Variants in SMARCC1 observed in about 807,000 individuals in gnomAD.
SMARCC1 encodes the protein SWI/SNF related BAF chromatin remodeling complex subunit C1.
Under a neutral mutation model 147.4 loss-of-function variants are expected in SMARCC1, and 43 were observed. The ratio of observed to expected loss-of-function variants is 0.29; its 90% CI spans 0.23 to 0.38. The LOEUF is 0.38. Among genes scored for constraint, SMARCC1 ranks in the 10% least tolerant of loss-of-function variants. The pLI, the probability that SMARCC1 is intolerant of heterozygous loss-of-function variation, is 1.00. For missense variants in SMARCC1, 1,119 were observed against 1,381.1 expected (o/e 0.81, Z 3.01); for synonymous variants, 495 against 484.4 (o/e 1.02, Z -0.29).
rs913984247 is a variant in SMARCC1, at chr3:47,737,304, G to T, written c.483+725C>A. The stretch of plus-strand genomic sequence containing the variant: ...AGCTACAGGGAAAGCTGAGGTGGGA[G>T]AATCACTTGAGCCCGAGAGTTCAAA... On this transcript the variant is annotated intron_variant, in intron 4 of 27. Transcript: ENST00000254480. Among the ~76,000 whole-genome samples, 9 of 152,242 alleles carry T rather than the reference G, an allele frequency of 5.9e-5. No homozygotes were observed. In the South Asian group the frequency reaches 1.9e-3, roughly 32 times the overall value.
At chr3:47,634,001 G>GA (rs1049206652) in intron 24 of SMARCC1, among the ~76,000 whole-genome samples, 66 of 151,894 alleles carry the variant, frequency 4.3e-4, no homozygotes, top group Admixed American at 1.2e-3. Context: ...GACAAATGGT[G>GA]AAAAAGAGTC....
intron 13 of SMARCC1, among the ~76,000 whole-genome samples, chr3:47,686,823 A>G (rs1576411546): frequency 6.6e-6 from 1 of 152,142 alleles, no homozygotes; most frequent in South Asian, 2.1e-4. Context: ...TGTCTCTACT[A>G]AAAATTTAGA....
At chr3:47,612,051 T>C (rs973741854) in intron 25 of SMARCC1, among the ~76,000 whole-genome samples, 21 of 152,260 alleles carry the variant, frequency 1.4e-4, no homozygotes, top group African/African-American at 4.8e-4. Flanking sequence ...GGGCTCTTCA[T>C]TTTCTGGGAA....
chr3:47,697,524 A>G (rs6805772), intron 11 of SMARCC1, among the ~76,000 whole-genome samples: 1,542 of 146,364 alleles, frequency 0.011, 20 homozygotes, highest in African/African-American at 0.037. Flanking sequence ...CTAGTCTTGA[A>G]CTCCTGGCCT....
chr3:47,658,488 C>G (rs1422906036), intron 21 of SMARCC1, among the ~76,000 whole-genome samples: 1 of 152,226 alleles, frequency 6.6e-6, no homozygotes. Context: ...TATAGATTTC[C>G]CTCTTCAGGA....
intron 21 of SMARCC1, among the ~76,000 whole-genome samples, chr3:47,660,022 A>G (rs890091736): frequency 9.9e-5 from 15 of 152,192 alleles, no homozygotes; most frequent in African/African-American, 3.6e-4. Flanking sequence ...CAAAAAGGTA[A>G]ACAAAATTAC....
intron 16 of SMARCC1, 38 bp from the exon 17 acceptor site, chr3:47,676,820 T>C (rs1450073438): frequency 1.9e-6 from 3 of 1,582,336 alleles, no homozygotes; most frequent in Non-Finnish European, 2.6e-6. Flanking sequence ...ATCTAAAGAA[T>C]CAACTTCATG....
At chr3:47,714,166 C>T (rs1026978511) in intron 8 of SMARCC1, among the ~76,000 whole-genome samples, 2 of 152,178 alleles carry the variant, frequency 1.3e-5, no homozygotes, top group African/African-American at 4.8e-5. Flanking sequence ...GAGGCTGAGG[C>T]CAGCCTGACC....
intron 14 of SMARCC1, among the ~76,000 whole-genome samples, chr3:47,682,721 G>A (rs1251392680): frequency 6.6e-6 from 1 of 152,064 alleles, no homozygotes; most frequent in Non-Finnish European, 1.5e-5. Flanking sequence ...TTTTTTAAAA[G>A]TAATTTACTG....
At chr3:47,621,440 T>C (rs964046095) in intron 25 of SMARCC1, among the ~76,000 whole-genome samples, 1 of 151,098 alleles carries the variant, frequency 6.6e-6, no homozygotes, top group Non-Finnish European at 1.5e-5. Flanking sequence ...ATAAAGAAAA[T>C]GTGGTACATA....
intron 2 of SMARCC1, among the ~76,000 whole-genome samples, chr3:47,749,420 G>A (rs1239119001): frequency 6.6e-6 from 1 of 151,952 alleles, no homozygotes. Context: ...CAGCACTTTG[G>A]GAGGCCAACG....
intron 2 of SMARCC1, among the ~76,000 whole-genome samples, chr3:47,763,161 T>C (rs1263589355): frequency 1.3e-5 from 2 of 152,038 alleles, no homozygotes; most frequent in African/African-American, 4.8e-5. Context: ...GTAATAATCT[T>C]TCTTTTCCTC....
At position 47,720,731 on chromosome 3, in the gene SMARCC1, T is replaced by C; in HGVS notation, c.651A>G (p.Glu217=). 1.9e-6 allele frequency: 3 copies of C among 1,608,226 alleles called. No homozygotes were observed. In the Admixed American group the frequency reaches 5.0e-5, roughly 27 times the overall value. The part of the protein sequence containing the change: ...YPYSSSQDDE[E]WLRPVMRKEK... ...CTTTTCTCATCACCGGTCTCAACCA[T>C]TCTTCTGGAAGAGAAAAAGAAACAA... The change falls in exon 7 of 28, where the codon GAA becomes GAG. Residue 217 remains glutamate (E), a synonymous_variant. Coordinates refer to ENST00000254480, the MANE Select transcript of SMARCC1 (RefSeq NM_003074.4).
chr3:47,758,144 G>A (rs1213317831), intron 2 of SMARCC1, among the ~76,000 whole-genome samples: 1 of 152,038 alleles, frequency 6.6e-6, no homozygotes, highest in Non-Finnish European at 1.5e-5. Context: ...AAAACAACAA[G>A]GGTCTCACTG....
chr3:47,735,829 G>A (rs139837286), intron 5 of SMARCC1, among the ~76,000 whole-genome samples: 1 of 150,672 alleles, frequency 6.6e-6, no homozygotes, highest in African/African-American at 2.4e-5. Flanking sequence ...TGCTAGGATA[G>A]TGCCATTGCA....
intron 24 of SMARCC1, among the ~76,000 whole-genome samples, chr3:47,630,434 C>A (rs570685086): frequency 6.6e-6 from 1 of 152,176 alleles, no homozygotes; most frequent in East Asian, 1.9e-4. Flanking sequence ...GTTGGGGACC[C>A]CTGATATATG....
At chr3:47,608,272 G>A (rs769502990) in intron 26 of SMARCC1, among the ~76,000 whole-genome samples, 3 of 150,928 alleles carry the variant, frequency 2.0e-5, no homozygotes, top group Non-Finnish European at 4.4e-5. Flanking sequence ...ATTTTCAGTA[G>A]ACACAGGGTT....
intron 14 of SMARCC1, among the ~76,000 whole-genome samples, chr3:47,683,811 T>C (rs2033685015): frequency 1.3e-5 from 2 of 152,092 alleles, no homozygotes; most frequent in South Asian, 2.1e-4. Context: ...ACCTTAAAGA[T>C]GCTAACATCT....
chr3:47,634,324 T>C (rs1469958427), intron 24 of SMARCC1, among the ~76,000 whole-genome samples: 1 of 152,176 alleles, frequency 6.6e-6, no homozygotes, highest in East Asian at 1.9e-4. Context: ...CTATGTCAGA[T>C]GGGTGGGCAT....
Sources: allele counts gnomAD v4.1 joint callset (sites outside exome capture counted in the v4.1 genomes callset), GRCh38; gene constraint gnomAD v4.1.1; transcripts MANE v1.5; gene names NCBI Gene and HGNC (gene_info 2026-07-23, HGNC 2026-07-21).